GPR19: variants seen among roughly 807,000 people sequenced by gnomAD.
GPR19 encodes the protein G protein-coupled receptor 19.
GPR19 carries 14 observed loss-of-function variants against 28.5 expected under a neutral mutation model. The ratio of observed to expected loss-of-function variants is 0.49; its 90% CI spans 0.32 to 0.77. The LOEUF (loss-of-function observed/expected upper bound fraction) is 0.77, where lower values mean the gene tolerates loss of function less well. Among genes scored for constraint, GPR19 ranks in the 30% least tolerant of loss-of-function variants. GPR19 has a pLI of 0.03. For synonymous variants in GPR19, 173 were observed against 184.1 expected (o/e 0.94, Z 0.49); for missense variants, 409 against 504.1 (o/e 0.81, Z 1.81).
chr12:12,669,169 G>C (rs1324576875), intron 3 of GPR19: 1 of 152,184 alleles, frequency 6.6e-6, no homozygotes, highest in African/African-American at 2.4e-5. Flanking sequence ...GTGACATAGT[G>C]AACAGTTTTA....
intron 2 of GPR19, among the ~76,000 whole-genome samples, chr12:12,692,299 C>T (rs79947029): frequency 2.0e-3 from 303 of 152,246 alleles, no homozygotes; most frequent in African/African-American, 7.2e-3. Flanking sequence ...TCCAGAAAGA[C>T]CTTTAGCTTT....
chr12:12,711,445 A>G, the GPR19 span, among the ~76,000 whole-genome samples: 1 of 152,158 alleles, frequency 6.6e-6, no homozygotes, highest in Non-Finnish European at 1.5e-5. Context: ...AAGGGGAAAG[A>G]GAGTGGCGGA....
intron 2 of GPR19, among the ~76,000 whole-genome samples, chr12:12,694,260 G>A (rs1296528614): frequency 2.2e-5 from 3 of 133,472 alleles, no homozygotes; most frequent in Non-Finnish European, 4.6e-5. Context: ...GTGCAGTGGC[G>A]TGATCTCGGT....
In GPR19 at chr12:12,689,998, A is replaced by G. The variant is rs572270539; in HGVS notation, c.-180+5461T>C. Among the ~76,000 whole-genome samples, 60 of 152,314 alleles carry G rather than the reference A, an allele frequency of 3.9e-4. 3 individuals carry two copies. The South Asian group carries it at 0.012, about 32-fold the overall frequency. On this transcript the variant is annotated intron_variant, in intron 2 of 3. Coordinates refer to ENST00000651487, the MANE Select transcript of GPR19 (RefSeq NM_006143.3). ...CTAGTCAGTGACCATACCCCTAGCTAACATCTCAACTACAGCTTTGTGAGA... is the reference window on the plus strand; with the variant it reads ...CTAGTCAGTGACCATACCCCTAGCTGACATCTCAACTACAGCTTTGTGAGA...
At chr12:12,671,163 G>T (rs1040347820) in intron 3 of GPR19, among the ~76,000 whole-genome samples, 2 of 151,702 alleles carry the variant, frequency 1.3e-5, no homozygotes, top group Non-Finnish European at 1.5e-5. Flanking sequence ...AAAATTAGCC[G>T]GGTGTGGCGG....
At chr12:12,711,743 C>T in the GPR19 span, among the ~76,000 whole-genome samples, 1 of 152,178 alleles carries the variant, frequency 6.6e-6, no homozygotes, top group Non-Finnish European at 1.5e-5. Flanking sequence ...CTACATTCTC[C>T]TTTTCTGTTA....
chr12:12,701,376 C>T, the GPR19 span, among the ~76,000 whole-genome samples: 1 of 152,148 alleles, frequency 6.6e-6, no homozygotes, highest in Admixed American at 6.5e-5. Context: ...ATTATATTAA[C>T]ATTATCTCCC....
At chr12:12,667,616 G>A (rs562436450) in intron 3 of GPR19, among the ~76,000 whole-genome samples, 2 of 151,760 alleles carry the variant, frequency 1.3e-5, no homozygotes, top group South Asian at 4.2e-4. Flanking sequence ...GCTTGAACCC[G>A]GGAGGCAGAG....
chr12:12,703,172 A>G, the GPR19 span, among the ~76,000 whole-genome samples: 3 of 152,188 alleles, frequency 2.0e-5, no homozygotes, highest in Non-Finnish European at 1.5e-5. Context: ...TATTGAGTGA[A>G]TGAAGTACAC....
chr12:12,704,290 T>C, the GPR19 span, among the ~76,000 whole-genome samples: 1 of 152,166 alleles, frequency 6.6e-6, no homozygotes, highest in Non-Finnish European at 1.5e-5. Context: ...TCACTTGTGG[T>C]CAGGAGTTTG....
At chr12:12,675,026 A>T (rs1290682102) in intron 3 of GPR19, among the ~76,000 whole-genome samples, 1 of 152,034 alleles carries the variant, frequency 6.6e-6, no homozygotes, top group African/African-American at 2.4e-5. Flanking sequence ...TCTAAGGTAG[A>T]CCCTCCAGGA....
At chr12:12,680,060 C>G (rs1197076179) in intron 3 of GPR19, among the ~76,000 whole-genome samples, 2 of 152,092 alleles carry the variant, frequency 1.3e-5, no homozygotes, top group South Asian at 2.1e-4. Flanking sequence ...GTGATTGTTT[C>G]TAGGTGGCAA....
upstream of GPR19, among the ~76,000 whole-genome samples, chr12:12,696,513 G>A (rs533504627): frequency 6.6e-6 from 1 of 152,292 alleles, no homozygotes; most frequent in South Asian, 2.1e-4. Flanking sequence ...TCTCTGCGAG[G>A]CCCAGAAGGC....
the GPR19 span, among the ~76,000 whole-genome samples, chr12:12,709,209 A>G: frequency 6.6e-6 from 1 of 151,532 alleles, no homozygotes; most frequent in Non-Finnish European, 1.5e-5. Context: ...ATGAACTAAT[A>G]GAACGTAAAT....
the GPR19 span, among the ~76,000 whole-genome samples, chr12:12,705,704 C>T: frequency 6.6e-6 from 1 of 152,160 alleles, no homozygotes; most frequent in South Asian, 2.1e-4. Flanking sequence ...TACACCACCA[C>T]ACACCCAGCT....
the GPR19 span, among the ~76,000 whole-genome samples, chr12:12,704,799 T>G: frequency 6.6e-6 from 1 of 152,186 alleles, no homozygotes; most frequent in Non-Finnish European, 1.5e-5. Flanking sequence ...TCATGAATGT[T>G]CCGAATTGGG....
chr12:12,679,975 T>C (rs1945993838), intron 3 of GPR19, among the ~76,000 whole-genome samples: 1 of 152,038 alleles, frequency 6.6e-6, no homozygotes, highest in Non-Finnish European at 1.5e-5. Flanking sequence ...AAGCAAGTGC[T>C]CAACAAATAT....
the GPR19 span, among the ~76,000 whole-genome samples, chr12:12,707,989 CTT>C: frequency 2.5e-3 from 155 of 62,380 alleles, no homozygotes; most frequent in African/African-American, 6.1e-3. Flanking sequence ...ATTTCCTATT[CTT>C]TTTTTTTTTT....
At chr12:12,704,112 CGTGT>C in the GPR19 span, among the ~76,000 whole-genome samples, 1 of 152,182 alleles carries the variant, frequency 6.6e-6, no homozygotes, top group Non-Finnish European at 1.5e-5. Flanking sequence ...TGCAACCAAT[CGTGT>C]GTGACTATAG....
Sources: gnomAD v4.1 joint callset for allele counts (sites outside exome capture counted in the v4.1 genomes callset) on GRCh38, gnomAD v4.1.1 for gene constraint, MANE v1.5 for transcripts, NCBI Gene and HGNC (gene_info 2026-07-23, HGNC 2026-07-21) for gene names.